FERMT2: variants seen among roughly 807,000 people sequenced by gnomAD.
FERMT2 encodes fermitin family homolog 2.
Under a neutral mutation model 82.7 loss-of-function variants are expected in FERMT2, and 15 were observed. The ratio of observed to expected loss-of-function variants is 0.18; its 90% confidence interval spans 0.12 to 0.28. The LOEUF is 0.28. Among genes scored for constraint, FERMT2 ranks in the 10% least tolerant of loss-of-function variants. FERMT2 has a pLI of 1.00. For synonymous variants in FERMT2, 274 were observed against 271.5 expected, an observed-to-expected ratio of 1.01 and a Z score of -0.09; for missense variants, 645 against 809.4, an observed-to-expected ratio of 0.80 and a Z score of 2.46.
chr14:52,878,551 A>G (rs779647785), intron 7 of FERMT2, 31 bp downstream of exon 7: 11 of 1,337,508 alleles, frequency 8.2e-6, no homozygotes, highest in Middle Eastern at 1.8e-4. Context: ...CTTTACCGGA[A>G]TAAGTCCCAT....
chr14:52,877,592 T>TTTTTTTTTTTTTTTA, intron 7 of FERMT2, among the ~76,000 whole-genome samples: 1 of 145,266 alleles, frequency 6.9e-6, no homozygotes, highest in East Asian at 2.0e-4. Context: ...TTTTTTTTTT[T>TTTTTTTTTTTTTTTA]TTTTTTGCTA....
At chr14:52,939,416 A>T (rs1889997068) in intron 2 of FERMT2, among the ~76,000 whole-genome samples, 1 of 151,898 alleles carries the variant, frequency 6.6e-6, no homozygotes, top group South Asian at 2.1e-4. Flanking sequence ...CTTCCTTTTA[A>T]AAGGCACATT....
rs548180105 is a variant in FERMT2, at chr14:52,881,381, A to G, written c.615T>C (p.Ser205=). ...AHDGSPLSPT[S]AWFGDSALSE... ...ACAAAGCACTGTCACCAAACCAAGC[A>G]GAAGTTGGTGACAAGGGGCTTCCAT... is the stretch of plus-strand genomic sequence containing the variant. The change falls in exon 5 of 15, where the codon TCT becomes TCC. Residue 205 remains serine, a synonymous_variant. Transcript: ENST00000341590. The G allele has an allele frequency of 8.9e-5, 143 of 1,613,928 alleles. No homozygotes were observed. The South Asian group carries it at 1.1e-3, about 12-fold the overall frequency.
chr14:52,891,995 T>C (rs1438996360), intron 4 of FERMT2, among the ~76,000 whole-genome samples: 1 of 151,850 alleles, frequency 6.6e-6, no homozygotes, highest in Non-Finnish European at 1.5e-5. Context: ...AGTATAACAA[T>C]ACCAAACACA....
chr14:52,863,188 G>C (rs1009467080), intron 12 of FERMT2: 1 of 151,944 alleles, frequency 6.6e-6, no homozygotes, highest in Non-Finnish European at 1.5e-5. Flanking sequence ...TATGACCACG[G>C]GATAAACAAT....
At chr14:52,939,368 G>A (rs1471037866) in intron 2 of FERMT2, among the ~76,000 whole-genome samples, 9 of 125,456 alleles carry the variant, frequency 7.2e-5, no homozygotes, top group South Asian at 2.9e-4. Flanking sequence ...GTGAGACTAC[G>A]GTCTCAAAAA....
At chr14:52,859,481 A>G in intron 14 of FERMT2, 92 bp downstream of exon 14, 1 of 1,186,294 alleles carries the variant, frequency 8.4e-7, no homozygotes, top group Admixed American at 2.8e-5. Flanking sequence ...GGTGGTACAA[A>G]TAATCATCAG....
intron 2 of FERMT2, among the ~76,000 whole-genome samples, chr14:52,933,292 A>G (rs1889673743): frequency 1.3e-5 from 2 of 152,020 alleles, no homozygotes; most frequent in Admixed American, 1.3e-4. Flanking sequence ...TTCCTTTTAC[A>G]TTGCCTTAGT....
intron 10 of FERMT2, chr14:52,871,465 A>T (rs946270728): frequency 1.3e-5 from 2 of 152,218 alleles, no homozygotes; most frequent in Non-Finnish European, 2.9e-5. Flanking sequence ...ATTTTATTGA[A>T]AAGTATTACC....
chr14:52,863,289 T>A (rs62003516), intron 12 of FERMT2: 2 of 151,920 alleles, frequency 1.3e-5, no homozygotes, highest in African/African-American at 4.9e-5. Context: ...TAGACCCATA[T>A]AATAAATATT....
At chr14:52,932,798 A>G (rs1413014440) in intron 2 of FERMT2, among the ~76,000 whole-genome samples, 1 of 152,134 alleles carries the variant, frequency 6.6e-6, no homozygotes, top group Non-Finnish European at 1.5e-5. Flanking sequence ...TAGAGGGACA[A>G]CCCTCCCTTC....
At chr14:52,935,557 G>C (rs993726808) in intron 2 of FERMT2, among the ~76,000 whole-genome samples, 1 of 152,146 alleles carries the variant, frequency 6.6e-6, no homozygotes, top group South Asian at 2.1e-4. Context: ...CCTCCTCCAT[G>C]TGAGGAAACC....
At position 52,919,217 on chromosome 14, in the gene FERMT2, G is replaced by A; in HGVS notation, c.297C>T (p.Leu99=). ...ACTTCATGTTGGGAAGCTGCAGGCG[G>A]AGCAGTTTGTGCTGAGGGGTGAACT... ...KLQFTPQHKL[L]RLQLPNMKYV... Residue 99 remains leucine (L), a synonymous_variant, in exon 3 of 15, where the codon CTC becomes CTT. Transcript: ENST00000341590. The A allele has an allele frequency of 3.7e-6, 6 of 1,614,078 alleles. No individual in the cohort carries two copies. The highest frequency in any genetic ancestry group is 1.3e-5 in the African/African-American group (1 of 75,032).
chr14:52,889,713 C>T (rs938470706), intron 4 of FERMT2, among the ~76,000 whole-genome samples: 5 of 152,076 alleles, frequency 3.3e-5, no homozygotes, highest in Non-Finnish European at 5.9e-5. Context: ...ATGGTATAGT[C>T]TATTGCTCCC....
intron 3 of FERMT2, among the ~76,000 whole-genome samples, chr14:52,914,520 T>C (rs950888826): frequency 1.3e-5 from 2 of 152,164 alleles, no homozygotes; most frequent in Non-Finnish European, 2.9e-5. Flanking sequence ...AATACTGTAC[T>C]AGAGGTTTAA....
chr14:52,877,443 C>A (rs1046795445), intron 7 of FERMT2, among the ~76,000 whole-genome samples: 3 of 152,152 alleles, frequency 2.0e-5, no homozygotes, highest in Non-Finnish European at 4.4e-5. Flanking sequence ...GGGATCCTAA[C>A]TGGCTCATTA....
chr14:52,879,676 C>T (rs1195006805), intron 6 of FERMT2, among the ~76,000 whole-genome samples: 1 of 151,996 alleles, frequency 6.6e-6, no homozygotes, highest in East Asian at 1.9e-4. Flanking sequence ...TAAAGAATTA[C>T]TTAAGCATAT....
chr14:52,920,279 C>A (rs1888882042), intron 2 of FERMT2, among the ~76,000 whole-genome samples: 1 of 152,036 alleles, frequency 6.6e-6, no homozygotes, highest in Admixed American at 6.6e-5. Flanking sequence ...GTTAAACTTA[C>A]TAAGTGCCAA....
intron 4 of FERMT2, among the ~76,000 whole-genome samples, chr14:52,887,384 C>T (rs987626449): frequency 5.3e-5 from 8 of 152,000 alleles, no homozygotes; most frequent in African/African-American, 1.9e-4. Flanking sequence ...ATGCTGGCAT[C>T]TGCCTGAAGT....
Sources: allele counts gnomAD v4.1 joint callset (sites outside exome capture counted in the v4.1 genomes callset), GRCh38; gene constraint gnomAD v4.1.1; transcripts MANE v1.5; gene names NCBI Gene and HGNC (gene_info 2026-07-23, HGNC 2026-07-21).